Variants in CABIN1 observed in about 807,000 individuals in gnomAD.
CABIN1 encodes calcineurin-binding protein cabin-1.
In CABIN1, 133 loss-of-function variants were observed where a neutral mutation model predicts 227.7. That is an observed-to-expected ratio of 0.58 (90% CI 0.51 to 0.67). The LOEUF (loss-of-function observed/expected upper bound fraction) is 0.67. Ranked by LOEUF, CABIN1 falls within the 30% of genes least tolerant of loss-of-function variation. The pLI is 0.00. For missense variants in CABIN1, 2,408 were observed against 2,852.5 expected (o/e 0.84, Z 3.55); for synonymous variants, 1,086 against 1,155.1 (o/e 0.94, Z 1.21).
chr22:24,100,839 G>A (rs975122051), intron 26 of CABIN1, among the ~76,000 whole-genome samples: 12 of 152,190 alleles, frequency 7.9e-5, no homozygotes, highest in Non-Finnish European at 1.5e-4. Flanking sequence ...TGTTGAATGG[G>A]GTAATGTCTT....
At chr22:24,087,822 A>G (rs1317512998) in intron 23 of CABIN1, 109 bp downstream of exon 23, 13 of 1,396,282 alleles carry the variant, frequency 9.3e-6, no homozygotes, top group Non-Finnish European at 1.3e-5. Flanking sequence ...CCACACATCC[A>G]TGCTGGGAGC....
In CABIN1 at chr22:24,060,029, G is replaced by T; in HGVS notation, c.1505G>T (p.Arg502Met). ...GCCATGGGCCACAAGTTCTTGGTAAGGTGGCCTCCAGGCTTGGCGGAGGTC... is the reference window on the plus strand; with the variant it reads ...GCCATGGGCCACAAGTTCTTGGTAATGTGGCCTCCAGGCTTGGCGGAGGTC... ...LKAMGHKFLVRWPPGLAEVVL... is the reference protein window; with the variant it reads ...LKAMGHKFLVMWPPGLAEVVL... The change falls in exon 12 of 37, where the codon AGG becomes ATG. Residue 502 changes from arginine to methionine, a missense_variant. By Grantham distance (91) the Arg-to-Met change is moderately conservative. Transcript: ENST00000263119. 1 of 1,614,194 alleles carries T rather than the reference G, an allele frequency of 6.2e-7. No individual in the cohort carries two copies. The highest frequency in any genetic ancestry group is 8.5e-7 in the Non-Finnish European group (1 of 1,180,028).
At chr22:24,158,463 G>T (rs754833984) in intron 29 of CABIN1, among the ~76,000 whole-genome samples, 1 of 152,126 alleles carries the variant, frequency 6.6e-6, no homozygotes, top group South Asian at 2.1e-4. Flanking sequence ...TGCAGTGAAG[G>T]GCTCTGTGGT....
Position 24,166,887 on chromosome 22 carries a change from C to T in CABIN1, c.5256C>T (p.Ser1752=), listed in dbSNP as rs775065390. 6.2e-7 allele frequency: 1 copy of T among 1,610,404 alleles called. No individual in the cohort carries two copies. The highest frequency in any genetic ancestry group is 8.5e-7 in the Non-Finnish European group (1 of 1,178,792). The part of the protein sequence containing the change: ...DQSGERKDKE[S]PRAGPTEPMD... ...GCGGGGAGCGGAAGGATAAAGAGAGCCCACGGGCAGGGCCCACTGAGCCCA... is the reference window on the plus strand; with the variant it reads ...GCGGGGAGCGGAAGGATAAAGAGAGTCCACGGGCAGGGCCCACTGAGCCCA... Residue 1752 remains serine (S), a synonymous_variant, in exon 32 of 37, where the codon AGC becomes AGT. Transcript: ENST00000263119.
rs532465114 is a variant in CABIN1 at position 24,137,415 on chromosome 22, A to G, written c.4746+3000A>G. ...ACCTTCCAAAATGAGTCTTGCAGAA[A>G]AGCAGTCTGAGGTTGTGTGCCTGTG... is the stretch of plus-strand genomic sequence containing the variant. On this transcript the variant is annotated intron_variant, in intron 29 of 36. Transcript: ENST00000263119. Among the ~76,000 whole-genome samples the G allele has an allele frequency of 2.8e-4, 42 of 152,314 alleles. No homozygotes were observed. In the South Asian group the frequency reaches 7.7e-3, roughly 28 times the overall value.
chr22:24,049,260 C>T (rs1164105997), intron 7 of CABIN1, 40 bp downstream of exon 7: 2 of 1,607,044 alleles, frequency 1.2e-6, no homozygotes, highest in South Asian at 2.2e-5. Flanking sequence ...TGCACGCTTA[C>T]TGTGTGGCTG....
At chr22:24,134,246 G>T in intron 28 of CABIN1, 56 bp from the exon 29 acceptor site, 2 of 1,381,264 alleles carry the variant, frequency 1.4e-6, no homozygotes, top group Non-Finnish European at 2.0e-6. Context: ...TGCCTTCCCT[G>T]TGGGCGCCCT....
chr22:24,093,387 C>T (rs2041678402), intron 24 of CABIN1, among the ~76,000 whole-genome samples: 1 of 151,614 alleles, frequency 6.6e-6, no homozygotes, highest in African/African-American at 2.4e-5. Flanking sequence ...CTTATCTCTA[C>T]TAAAAATTAG....
chr22:24,051,984 AG>A (rs1225947598), intron 8 of CABIN1, among the ~76,000 whole-genome samples: 1 of 151,682 alleles, frequency 6.6e-6, no homozygotes, highest in African/African-American at 2.4e-5. Flanking sequence ...AGGCTGCTCT[AG>A]GACTCCTGTC....
chr22:24,167,295 C>T lies in CABIN1; in HGVS notation c.5664C>T (p.Thr1888=). The change falls in exon 32 of 37, where the codon ACC becomes ACT. Residue 1888 remains threonine, a synonymous_variant. Transcript: ENST00000263119. ...GTGTGGAGAGGATCATGTCGGAGACCTACATGCTCATCAAGCAGGTGGGTG... is the reference window on the plus strand; with the variant it reads ...GTGTGGAGAGGATCATGTCGGAGACTTACATGCTCATCAAGCAGGTGGGTG... ...LGRVERIMSE[T]YMLIKQVDEE... The T allele has an allele frequency of 3.1e-6, 5 of 1,612,582 alleles. No individual in the cohort carries two copies. The South Asian group carries it at 4.4e-5, about 14-fold the overall frequency.
At chr22:24,092,027 T>G (rs1198794849) in intron 24 of CABIN1, 184 bp downstream of exon 24, 1 of 703,152 alleles carries the variant, frequency 1.4e-6, no homozygotes, top group African/African-American at 1.8e-5. Context: ...CAAGGGGTGT[T>G]TATCATCCTT....
At chr22:24,140,971 C>T (rs76998539) in intron 29 of CABIN1, among the ~76,000 whole-genome samples, 1 of 152,354 alleles carries the variant, frequency 6.6e-6, no homozygotes, top group Non-Finnish European at 1.5e-5. Flanking sequence ...CTACCCCTTA[C>T]TCAGCTTGGG....
chr22:24,170,032 C>T (rs5760234), intron 33 of CABIN1: 28,417 of 431,502 alleles, frequency 0.066, 1,216 homozygotes, highest in South Asian at 0.11. Flanking sequence ...TGCTGGGCGA[C>T]GCCAGGCCAG....
At position 24,177,525 on chromosome 22, in the gene CABIN1, C is replaced by G; in HGVS notation, c.6227C>G (p.Pro2076Arg). Residue 2076 changes from proline to arginine, a missense_variant, in exon 36 of 37, where the codon CCG (proline) becomes CGG (arginine). Coordinates refer to ENST00000263119, the MANE Select transcript of CABIN1 (RefSeq NM_012295.4). This position sits in a 1 kb window ranked among gnomAD's most constrained non-coding sequence, Gnocchi z 4.4. ...CCAGAGGGGAAACTGAGGCCTGAGC[C>G]GAGAAGGGATGGGGAGGCTCAGGAG... is the stretch of plus-strand genomic sequence containing the variant. ...CSQEGKLRPE[P>R]RRDGEAQEAA... The G allele has an allele frequency of 1.3e-6, 2 of 1,543,970 alleles. No individual in the cohort carries two copies. Among genetic ancestry groups the G allele is most frequent in the Non-Finnish European group, 1.7e-6 (2 of 1,143,216 alleles).
intron 1 of CABIN1, among the ~76,000 whole-genome samples, chr22:24,029,647 GCTT>G (rs769214485): frequency 8.9e-4 from 136 of 152,304 alleles, no homozygotes; most frequent in Non-Finnish European, 1.5e-3. Context: ...CATTATTCTG[GCTT>G]CTTCTTAATT....
intron 5 of CABIN1, 136 bp downstream of exon 5, chr22:24,041,409 G>C (rs993197426): frequency 2.3e-5 from 26 of 1,125,584 alleles, no homozygotes; most frequent in Non-Finnish European, 3.1e-5. Flanking sequence ...AGGCTCTAGG[G>C]TAGGTCCATA....
chr22:24,097,966 A>C, intron 25 of CABIN1, 48 bp from the exon 26 acceptor site: 1 of 1,612,338 alleles, frequency 6.2e-7, no homozygotes, highest in Non-Finnish European at 8.5e-7. Flanking sequence ...ATCTGTTTCA[A>C]TGTGAGGTGG....
chr22:24,080,074 G>T (rs890583379), intron 19 of CABIN1, among the ~76,000 whole-genome samples: 17 of 152,094 alleles, frequency 1.1e-4, no homozygotes, highest in Admixed American at 7.2e-4. Flanking sequence ...GTTTGCTCTT[G>T]TATTTCATGT....
Position 24,036,379 on chromosome 22 carries a change from A to G in CABIN1, c.96+198A>G, listed in dbSNP as rs149271493. Among the ~76,000 whole-genome samples the G allele has an allele frequency of 8.7e-3, 1,327 of 152,306 alleles. 20 individuals carry two copies. Among genetic ancestry groups the G allele is most frequent in the African/African-American group, 0.03 (1,243 of 41,550 alleles). ...ATAGAGGAGAAATTATATTTATTCT[A>G]TCAGTGTATGTGAAGGCCAGCTCAG... On this transcript the variant is annotated intron_variant, in intron 3 of 36. Transcript: ENST00000263119.
Sources: allele counts gnomAD v4.1 joint callset (sites outside exome capture counted in the v4.1 genomes callset), GRCh38; gene constraint gnomAD v4.1.1; non-coding constraint Gnocchi (gnomAD v3.1); transcripts MANE v1.5; gene names NCBI Gene and HGNC (gene_info 2026-07-23, HGNC 2026-07-21).